Variants in RBMS3 observed in about 807,000 individuals in gnomAD.
The protein encoded by RBMS3 is RNA-binding motif, single-stranded-interacting protein 3.
A neutral mutation model predicts 66.8 loss-of-function variants in RBMS3; 27 were observed. The observed-to-expected ratio is 0.40, with a 90% CI of 0.30 to 0.56. The LOEUF (loss-of-function observed/expected upper bound fraction) is 0.56, where lower values mean the gene tolerates loss of function less well. Ranked by LOEUF, RBMS3 falls within the 20% of genes least tolerant of loss-of-function variation. The pLI, the probability that RBMS3 is intolerant of heterozygous loss-of-function variation, is 0.40. For missense variants in RBMS3, 513 were observed against 549.5 expected, an observed-to-expected ratio of 0.93 and a Z score of 0.66; for synonymous variants, 188 against 183.0, an observed-to-expected ratio of 1.03 and a Z score of -0.22.
intron 1 of RBMS3, among the ~76,000 whole-genome samples, chr3:29,419,984 G>C (rs979916068): frequency 6.6e-6 from 1 of 152,126 alleles, no homozygotes; most frequent in African/African-American, 2.4e-5. Context: ...TACCGTTGGT[G>C]TCTCTGTTTT....
intron 1 of RBMS3, among the ~76,000 whole-genome samples, chr3:29,298,118 G>T (rs1485419418): frequency 6.6e-6 from 1 of 151,794 alleles, no homozygotes; most frequent in African/African-American, 2.4e-5. Flanking sequence ...CAATCTCAAA[G>T]GTCTTCAAGC....
intron 12 of RBMS3, among the ~76,000 whole-genome samples, chr3:29,946,648 C>G (rs1000371452): frequency 6.6e-6 from 1 of 151,472 alleles, no homozygotes; most frequent in Non-Finnish European, 1.5e-5. Context: ...ATTTGAAATC[C>G]TCAGGAAGAC....
chr3:29,511,914 A>C (rs1426399892), intron 3 of RBMS3, among the ~76,000 whole-genome samples: 1 of 152,158 alleles, frequency 6.6e-6, no homozygotes, highest in African/African-American at 2.4e-5. Flanking sequence ...CTGGGTTTGG[A>C]ATTCCCTGGA....
At chr3:29,905,933 A>C (rs2149620472) in intron 10 of RBMS3, among the ~76,000 whole-genome samples, 1 of 152,220 alleles carries the variant, frequency 6.6e-6, no homozygotes, top group East Asian at 1.9e-4. Context: ...AAATTTTTCT[A>C]GCTATTTTAC....
In RBMS3 at chr3:29,610,860, C is replaced by T. The variant is rs182569439; in HGVS notation, c.399+23655C>T. Among the ~76,000 whole-genome samples the T allele has an allele frequency of 3.9e-5, 6 of 151,988 alleles. No individual in the cohort carries two copies. The East Asian group carries it at 9.7e-4, about 25-fold the overall frequency. ...TTACACATATATTTTTAAAATGACA[C>T]AAGCATTAATGTATCTACACACATA... On this transcript the variant is annotated intron_variant, in intron 4 of 14. Transcript: ENST00000383767.
intron 3 of RBMS3, among the ~76,000 whole-genome samples, chr3:29,527,708 C>A (rs1029136257): frequency 2.6e-5 from 4 of 152,126 alleles, no homozygotes; most frequent in African/African-American, 9.7e-5. Context: ...AGACTTTTCA[C>A]ACAGAAATAG....
intron 4 of RBMS3, among the ~76,000 whole-genome samples, chr3:29,713,942 C>A (rs1212597568): frequency 6.6e-6 from 1 of 152,038 alleles, no homozygotes; most frequent in East Asian, 1.9e-4. Context: ...GTAGTCCCAG[C>A]TACTCTGGAG....
intron 10 of RBMS3, chr3:29,933,715 G>T (rs1380973498): frequency 6.6e-6 from 1 of 151,960 alleles, no homozygotes; most frequent in Non-Finnish European, 1.5e-5. Context: ...GCAGTAACTG[G>T]TCTCCTTACA....
intron 3 of RBMS3, among the ~76,000 whole-genome samples, chr3:29,524,280 T>A (rs1031846501): frequency 2.6e-5 from 4 of 152,084 alleles, no homozygotes; most frequent in African/African-American, 9.7e-5. Context: ...CCCCATAACA[T>A]GAAATCATGC....
At chr3:29,346,565 A>T (rs1236544590) in intron 1 of RBMS3, among the ~76,000 whole-genome samples, 1 of 151,684 alleles carries the variant, frequency 6.6e-6, no homozygotes, top group East Asian at 1.9e-4. Context: ...CACCATGCCC[A>T]GCTAATTTTT....
At position 29,675,267 on chromosome 3, in the gene RBMS3, C is replaced by T. The variant is rs140444613; in HGVS notation, c.400-64453C>T. ...GATCCCTTCCTTACACCTTATACAA[C>T]AATTAATTCCAGATGGATTAAAGAC... On this transcript the variant is annotated intron_variant, in intron 4 of 14. Transcript: ENST00000383767. 4.5e-3 allele frequency among the ~76,000 whole-genome samples: 686 copies of T among 152,124 alleles called. 6 individuals carry two copies. Among genetic ancestry groups the T allele is most frequent in the African/African-American group, 0.016 (655 of 41,516 alleles).
intron 1 of RBMS3, among the ~76,000 whole-genome samples, chr3:29,424,076 T>C (rs550872386): frequency 1.3e-5 from 2 of 152,370 alleles, no homozygotes; most frequent in South Asian, 4.1e-4. Flanking sequence ...CAATAAACTT[T>C]AGCCATTGCT....
intron 5 of RBMS3, among the ~76,000 whole-genome samples, chr3:29,748,038 AC>A (rs1455112170): frequency 2.6e-5 from 4 of 152,266 alleles, no homozygotes; most frequent in African/African-American, 9.6e-5. Flanking sequence ...TTACAAAAAC[AC>A]CCCAAACATA....
chr3:29,402,570 G>T (rs1259116050), intron 1 of RBMS3, among the ~76,000 whole-genome samples: 6 of 151,978 alleles, frequency 3.9e-5, no homozygotes, highest in Non-Finnish European at 5.9e-5. Context: ...TGAGTTAGCT[G>T]TATCAATCTT....
At chr3:29,792,423 T>C (rs1308686666) in intron 6 of RBMS3, among the ~76,000 whole-genome samples, 4 of 152,178 alleles carry the variant, frequency 2.6e-5, no homozygotes, top group African/African-American at 9.7e-5. Context: ...TTTGGCTTAA[T>C]CCTCTGAAAC....
chr3:29,882,476 G>C (rs971545602), intron 7 of RBMS3, among the ~76,000 whole-genome samples: 3 of 151,986 alleles, frequency 2.0e-5, no homozygotes, highest in African/African-American at 7.2e-5. Context: ...TGTTCTCAGT[G>C]CACCTCTGTT....
chr3:29,884,682 T>C (rs1394216667), intron 8 of RBMS3, among the ~76,000 whole-genome samples: 1 of 151,878 alleles, frequency 6.6e-6, no homozygotes, highest in Non-Finnish European at 1.5e-5. Context: ...TTCATAAGCA[T>C]CTGGAAATTT....
intron 1 of RBMS3, among the ~76,000 whole-genome samples, chr3:29,306,727 A>G (rs3940541): frequency 0.23 from 34,365 of 151,722 alleles, 4,080 homozygotes; most frequent in Non-Finnish European, 0.26. Flanking sequence ...GCCTCCCTGC[A>G]GAGGCTCCCT....
intron 10 of RBMS3, among the ~76,000 whole-genome samples, chr3:29,901,136 C>G (rs1391826382): frequency 6.6e-6 from 1 of 151,622 alleles, no homozygotes; most frequent in Non-Finnish European, 1.5e-5. Context: ...TTCATCTAGT[C>G]TATGTTCTAT....
Sources: allele counts gnomAD v4.1 joint callset (sites outside exome capture counted in the v4.1 genomes callset), GRCh38; gene constraint gnomAD v4.1.1; transcripts MANE v1.5; gene names NCBI Gene and HGNC (gene_info 2026-07-23, HGNC 2026-07-21).